Variants in CELF4 observed in about 807,000 individuals in gnomAD.
CELF4 encodes CUGBP Elav-like family member 4.
CELF4 carries 18 observed loss-of-function variants against 59.9 expected under a neutral mutation model. That is an observed-to-expected ratio of 0.30 (90% confidence interval 0.21 to 0.45). The LOEUF is 0.45. CELF4 is among the 20% of genes least tolerant of loss of function. The pLI is 1.00. For missense variants in CELF4, 456 were observed against 689.0 expected (o/e 0.66, Z 3.79); for synonymous variants, 261 against 267.1 (o/e 0.98, Z 0.22).
chr18:37,553,209 A>G (rs2099983771), intron 1 of CELF4, among the ~76,000 whole-genome samples: 1 of 152,186 alleles, frequency 6.6e-6, no homozygotes, highest in South Asian at 2.1e-4. Flanking sequence ...AAAATTGGAT[A>G]AGAAAATGAG....
chr18:37,487,498 C>T (rs950644654), intron 1 of CELF4, among the ~76,000 whole-genome samples: 3 of 152,286 alleles, frequency 2.0e-5, no homozygotes, highest in African/African-American at 2.4e-5. Flanking sequence ...CTCCCTCTCC[C>T]GTCCTCCTCC....
At chr18:37,423,425 G>A (rs1266459888) in intron 2 of CELF4, among the ~76,000 whole-genome samples, 1 of 152,150 alleles carries the variant, frequency 6.6e-6, no homozygotes. Context: ...CTGCCTGGAG[G>A]AGGCGGGGTC....
At chr18:37,276,758 G>A (rs974788843) in intron 3 of CELF4, among the ~76,000 whole-genome samples, 20 of 152,158 alleles carry the variant, frequency 1.3e-4, no homozygotes, top group African/African-American at 4.8e-4. Context: ...ACTCAGTTTC[G>A]GGCTAAATTG....
At chr18:37,556,440 C>A (rs1328596884) in intron 1 of CELF4, among the ~76,000 whole-genome samples, 2 of 152,212 alleles carry the variant, frequency 1.3e-5, no homozygotes, top group Non-Finnish European at 2.9e-5. Context: ...TGCCAGCAGG[C>A]CTGATTTATT....
intron 2 of CELF4, among the ~76,000 whole-genome samples, chr18:37,362,090 G>A (rs2098712792): frequency 6.6e-6 from 1 of 152,026 alleles, no homozygotes. Context: ...AATGAGCAAA[G>A]GGCCCAGGGC....
intron 2 of CELF4, among the ~76,000 whole-genome samples, chr18:37,439,555 G>A (rs2099705334): frequency 6.6e-6 from 1 of 152,162 alleles, no homozygotes; most frequent in African/African-American, 2.4e-5. Flanking sequence ...CTTCTCCTAA[G>A]AAGTCTTGTC....
At chr18:37,332,545 C>T (rs2097580318) in intron 2 of CELF4, among the ~76,000 whole-genome samples, 1 of 152,146 alleles carries the variant, frequency 6.6e-6, no homozygotes, top group Admixed American at 6.5e-5. Flanking sequence ...TCTCCTATCT[C>T]TCTACAAAAT....
intron 2 of CELF4, among the ~76,000 whole-genome samples, chr18:37,339,645 A>T (rs539143095): frequency 1.7e-4 from 25 of 151,508 alleles, no homozygotes; most frequent in African/African-American, 5.8e-4. Flanking sequence ...TCCCAGGTAC[A>T]TGGGAGGCTG....
chr18:37,269,752 T>C (rs2090214423), intron 8 of CELF4, among the ~76,000 whole-genome samples: 1 of 152,216 alleles, frequency 6.6e-6, no homozygotes, highest in Non-Finnish European at 1.5e-5. Flanking sequence ...TTCATTGGGA[T>C]CTTTAGCATT....
At chr18:37,395,766 C>T (rs1410537814) in intron 2 of CELF4, among the ~76,000 whole-genome samples, 2 of 152,192 alleles carry the variant, frequency 1.3e-5, no homozygotes, top group Non-Finnish European at 2.9e-5. Flanking sequence ...AAATAGCACA[C>T]ACAATTACCA....
chr18:37,524,146 T>C (rs2099960782), intron 1 of CELF4, among the ~76,000 whole-genome samples: 1 of 152,184 alleles, frequency 6.6e-6, no homozygotes, highest in African/African-American at 2.4e-5. Context: ...AAATGTTAGT[T>C]CTTCTCCCCG....
intron 3 of CELF4, among the ~76,000 whole-genome samples, chr18:37,316,166 G>T (rs2096862406): frequency 1.3e-5 from 2 of 152,148 alleles, no homozygotes; most frequent in South Asian, 4.1e-4. Flanking sequence ...CTGCCAGGAG[G>T]CATAGGACAC....
chr18:37,297,890 C>A (rs1298608149), intron 3 of CELF4, among the ~76,000 whole-genome samples: 2 of 148,966 alleles, frequency 1.3e-5, no homozygotes, highest in African/African-American at 5.1e-5. Context: ...AGACCCTGTG[C>A]CCTCTGGCCG....
At chr18:37,419,877 GA>G (rs772649379) in intron 2 of CELF4, among the ~76,000 whole-genome samples, 7 of 152,248 alleles carry the variant, frequency 4.6e-5, no homozygotes, top group Non-Finnish European at 1.0e-4. Flanking sequence ...TGACAGCGAG[GA>G]TCTTGGGGAA....
intron 11 of CELF4, among the ~76,000 whole-genome samples, chr18:37,257,167 G>A (rs1175963238): frequency 6.6e-6 from 1 of 152,204 alleles, no homozygotes; most frequent in Non-Finnish European, 1.5e-5. Flanking sequence ...GCAAGGAAAT[G>A]CCTTTGGAAA....
In CELF4 at chr18:37,485,593, T is replaced by A; in HGVS notation, c.301A>T (p.Thr101Ser). ...TGMHKGCAFL[T>S]YCERESALKA... ...AGCGCTGACTCACGCTCGCAGTAGG[T>A]GAGGAAGGCGCAGCCTGGGGAGGAA... The change falls in exon 2 of 13, where the codon ACC becomes TCC. Residue 101 changes from threonine to serine, a missense_variant. Transcript: ENST00000420428. 1 of 1,453,444 alleles carries A rather than the reference T, an allele frequency of 6.9e-7. No homozygotes were observed. Among genetic ancestry groups the A allele is most frequent in the Non-Finnish European group, 9.2e-7 (1 of 1,089,552 alleles). The allele number at this position is 1,453,444 out of a possible 1,614,324, so 90.0% of individuals were successfully genotyped here.
At chr18:37,401,836 C>T (rs1168374397) in intron 2 of CELF4, among the ~76,000 whole-genome samples, 1 of 152,210 alleles carries the variant, frequency 6.6e-6, no homozygotes, top group Admixed American at 6.5e-5. Flanking sequence ...CAAGGTTACT[C>T]GGCTCAAGAA....
chr18:37,289,190 C>T (rs1388951607), intron 3 of CELF4, among the ~76,000 whole-genome samples: 1 of 151,420 alleles, frequency 6.6e-6, no homozygotes, highest in Non-Finnish European at 1.5e-5. Flanking sequence ...TGGGGGCTGG[C>T]AGAGGGGGCA....
chr18:37,415,772 TGG>T (rs2099522678), intron 2 of CELF4, among the ~76,000 whole-genome samples: 1 of 152,190 alleles, frequency 6.6e-6, no homozygotes, highest in African/African-American at 2.4e-5. Flanking sequence ...TAGCAGTAGT[TGG>T]AGATGAGGAA....
Sources: gnomAD v4.1 joint callset for allele counts (sites outside exome capture counted in the v4.1 genomes callset) on GRCh38, gnomAD v4.1.1 for gene constraint, MANE v1.5 for transcripts, NCBI Gene and HGNC (gene_info 2026-07-23, HGNC 2026-07-21) for gene names.